PWP1: variants seen among roughly 807,000 people sequenced by gnomAD.
PWP1 encodes periodic tryptophan protein 1 homolog.
In PWP1, 47 loss-of-function variants were observed where a neutral mutation model predicts 69.9. The observed-to-expected ratio is 0.67, with a 90% CI of 0.53 to 0.86. The LOEUF (loss-of-function observed/expected upper bound fraction) is 0.86, where lower values mean the gene tolerates loss of function less well. PWP1 is among the 40% of genes least tolerant of loss of function. PWP1 has a pLI of 0.00. For synonymous variants in PWP1, 222 were observed against 208.2 expected, an observed-to-expected ratio of 1.07 and a Z score of -0.57; for missense variants, 551 against 608.8, an observed-to-expected ratio of 0.91 and a Z score of 1.00.
At chr12:107,709,977 C>G (rs950605063) in intron 13 of PWP1, among the ~76,000 whole-genome samples, 2 of 151,948 alleles carry the variant, frequency 1.3e-5, no homozygotes, top group African/African-American at 4.8e-5. Flanking sequence ...TTCATATTTT[C>G]TATAACAAAT....
chr12:107,710,878 A>G (rs1288495497), intron 14 of PWP1, among the ~76,000 whole-genome samples: 1 of 152,212 alleles, frequency 6.6e-6, no homozygotes, highest in Non-Finnish European at 1.5e-5. Flanking sequence ...CATGTTCACA[A>G]ATAAGTTTGT....
chr12:107,706,755 C>T (rs1050415650), intron 11 of PWP1, among the ~76,000 whole-genome samples: 5 of 152,160 alleles, frequency 3.3e-5, no homozygotes, highest in Non-Finnish European at 7.4e-5. Context: ...TTCTATTGGT[C>T]TACATCTCTG....
At chr12:107,702,422 A>G (rs866828695) in intron 8 of PWP1, among the ~76,000 whole-genome samples, 19 of 152,024 alleles carry the variant, frequency 1.2e-4, no homozygotes, top group African/African-American at 4.6e-4. Flanking sequence ...CTGGGATTAC[A>G]GGCATGCGCC....
At chr12:107,709,069 C>G (rs1889888125) in intron 12 of PWP1, 42 bp from the exon 13 acceptor site, 2 of 1,613,462 alleles carry the variant, frequency 1.2e-6, no homozygotes, top group Non-Finnish European at 1.7e-6. Flanking sequence ...TGAAGTAAAT[C>G]TGTATTTCAA....
chr12:107,702,871 T>C, intron 8 of PWP1, 64 bp from the exon 9 acceptor site: 1 of 1,006,638 alleles, frequency 9.9e-7, no homozygotes. Flanking sequence ...AATGCAATCC[T>C]TTTCTCATAT....
intron 1 of PWP1, among the ~76,000 whole-genome samples, chr12:107,688,030 C>CAAAAAAAAAAAAAAAAAAAA (rs56255249): frequency 8.0e-5 from 3 of 37,624 alleles, no homozygotes; most frequent in South Asian, 1.7e-3. Flanking sequence ...GACTCCGTCT[C>CAAAAAAAAAAAAAAAAAAAA]AAAAAAAAAA....
At chr12:107,698,543 C>T (rs893667315) in intron 7 of PWP1, among the ~76,000 whole-genome samples, 13 of 152,116 alleles carry the variant, frequency 8.5e-5, no homozygotes, top group Non-Finnish European at 1.6e-4. Flanking sequence ...AAATAAACTA[C>T]TATAGTTTCT....
In PWP1 at chr12:107,712,138, G is replaced by C; in HGVS notation, c.1424G>C (p.Arg475Thr). 1 of 1,614,036 alleles carries C rather than the reference G, an allele frequency of 6.2e-7. No individual in the cohort carries two copies. The highest frequency in any genetic ancestry group is 8.5e-7 in the Non-Finnish European group (1 of 1,179,930). Residue 475 changes from arginine (R) to threonine (T), a missense_variant, in exon 15 of 15, where the codon AGG becomes ACG. Coordinates refer to ENST00000412830, the MANE Select transcript of PWP1 (RefSeq NM_007062.3). ...SVNEAFGRRE[R>T]LVLGSARNSS... ...AATGAAGCATTTGGAAGACGAGAGA[G>C]GCTTGTTCTTGGGAGTGCAAGAAAT... is the stretch of plus-strand genomic sequence containing the variant.
intron 11 of PWP1, 65 bp from the exon 12 acceptor site, chr12:107,708,861 G>T (rs1306814644): frequency 1.4e-6 from 2 of 1,417,328 alleles, no homozygotes; most frequent in Non-Finnish European, 2.0e-6. Flanking sequence ...CTATGACTTA[G>T]ACTTTTTACC....
At chr12:107,696,640 A>G in intron 6 of PWP1, 56 bp downstream of exon 6, 1 of 1,601,984 alleles carries the variant, frequency 6.2e-7, no homozygotes, top group South Asian at 1.1e-5. Context: ...ATTTTCTCCT[A>G]GCTCCATAAA....
At chr12:107,688,186 C>G (rs1889410244) in intron 1 of PWP1, among the ~76,000 whole-genome samples, 1 of 151,990 alleles carries the variant, frequency 6.6e-6, no homozygotes, top group Admixed American at 6.6e-5. Context: ...GCCACTTTAC[C>G]AAAACCAGTC....
chr12:107,704,609 AC>A (rs761946450), intron 10 of PWP1, 26 bp from the exon 11 acceptor site: 1 of 1,555,854 alleles, frequency 6.4e-7, no homozygotes, highest in South Asian at 1.1e-5. Flanking sequence ...AACTCTTAAA[AC>A]CCTAACTTTG....
intron 5 of PWP1, 69 bp from the exon 6 acceptor site, chr12:107,696,405 T>A: frequency 6.4e-7 from 1 of 1,574,780 alleles, no homozygotes; most frequent in Non-Finnish European, 8.6e-7. Context: ...GAATTTGTTT[T>A]TTTGAGCGGG....
At chr12:107,695,681 T>G (rs909141257) in intron 5 of PWP1, among the ~76,000 whole-genome samples, 2 of 152,246 alleles carry the variant, frequency 1.3e-5, no homozygotes, top group African/African-American at 4.8e-5. Flanking sequence ...TTGTTTACAT[T>G]GTTCATCTTC....
Position 107,709,239 on chromosome 12 carries a change from A to G in PWP1, c.1290+7A>G, listed in dbSNP as rs772396962. On this transcript the variant is annotated splice_region_variant and intron_variant, in intron 13 of 14. Coordinates refer to ENST00000412830, the MANE Select transcript of PWP1 (RefSeq NM_007062.3). ...TTCTAGGGACATGAAAATGGTAAGA[A>G]TCTCCCTGGGTATCTGTTTTTTATT... 1 of 1,612,480 alleles carries G rather than the reference A, an allele frequency of 6.2e-7. No homozygotes were observed. The highest frequency in any genetic ancestry group is 2.2e-5 in the East Asian group (1 of 44,848).
rs1566084798 is a variant in PWP1, at chr12:107,712,297, G to A, written c.*77G>A. ...GCCTAAAAATGTTCCATGCGTGGCA[G>A]CAACCATGCAGAGTGACTGAAACAC... On this transcript the variant is annotated 3_prime_UTR_variant, in exon 15 of 15. Transcript: ENST00000412830. 3.8e-6 allele frequency: 4 copies of A among 1,064,626 alleles called. No individual in the cohort carries two copies. The highest frequency in any genetic ancestry group is 5.8e-6 in the Non-Finnish European group (4 of 690,186). The allele number at this position is 1,064,626 out of a possible 1,614,324, so 65.9% of individuals were successfully genotyped here. A position where few individuals can be genotyped will look rare whatever the true frequency, so the allele number is the denominator to read the frequency against.
At position 107,697,577 on chromosome 12, in the gene PWP1, A is replaced by T; in HGVS notation, c.724A>T (p.Lys242Ter). 1 of 1,603,784 alleles carries T rather than the reference A, an allele frequency of 6.2e-7. No individual in the cohort carries two copies. Among genetic ancestry groups the T allele is most frequent in the Non-Finnish European group, 8.5e-7 (1 of 1,176,700 alleles). ...ACTCGGAAGTAAACTTTCAAAAAAG[A>T]AGAAAAAGAAAGGAAAGAAGGTAAA... ...FTLGSKLSKK[K>*]KKKGKKSSSA... The change falls in exon 7 of 15, where the codon AAG becomes TAG. Residue 242 changes from lysine (K) to a stop codon, truncating the protein, a stop_gained. Coordinates refer to ENST00000412830, the MANE Select transcript of PWP1 (RefSeq NM_007062.3). LOFTEE classifies it high-confidence loss of function.
chr12:107,710,555 A>T lies in PWP1; in HGVS notation c.1396+45A>T, dbSNP rs1451686872. 6.4e-6 allele frequency: 6 copies of T among 935,430 alleles called. No individual in the cohort carries two copies. In the East Asian group the frequency reaches 1.9e-4, roughly 30 times the overall value. 57.9% of individuals were successfully genotyped at this position (935,430 alleles called of 1,614,324 possible). A position where few individuals can be genotyped will look rare whatever the true frequency, so the allele number is the denominator to read the frequency against. On this transcript the variant is annotated intron_variant, in intron 14 of 14. Coordinates refer to ENST00000412830, the MANE Select transcript of PWP1 (RefSeq NM_007062.3). The stretch of plus-strand genomic sequence containing the variant: ...TGCACACCTCCCCCTGCCCCTGTAA[A>T]AAAAAAAAAAAAAAAAAAGACAGGG...
chr12:107,685,822 G>A lies in PWP1; in HGVS notation c.-78G>A. 3 of 1,497,122 alleles carry A rather than the reference G, an allele frequency of 2.0e-6. No individual in the cohort carries two copies. Among genetic ancestry groups the A allele is most frequent in the Admixed American group, 1.7e-5 (1 of 59,298 alleles). 92.7% of individuals were successfully genotyped at this position (1,497,122 alleles called of 1,614,324 possible). A position where few individuals can be genotyped will look rare whatever the true frequency, so the allele number is the denominator to read the frequency against. The stretch of plus-strand genomic sequence containing the variant: ...GCAGCGGCCCTGTGCAGATCCCTGA[G>A]CGTGTGGCAGCAGTGCGGTCGTGGT... On this transcript the variant is annotated 5_prime_UTR_variant, in exon 1 of 15. Coordinates refer to ENST00000412830, the MANE Select transcript of PWP1 (RefSeq NM_007062.3).
Sources: gnomAD v4.1 joint callset for allele counts (sites outside exome capture counted in the v4.1 genomes callset) on GRCh38, gnomAD v4.1.1 for gene constraint, MANE v1.5 for transcripts, NCBI Gene and HGNC (gene_info 2026-07-23, HGNC 2026-07-21) for gene names.